The following SBF2 variants were observed in gnomAD, a reference collection of about 807,000 sequenced individuals.
The protein encoded by SBF2 is SET binding factor 2.
In SBF2, 112 loss-of-function variants were observed where a neutral mutation model predicts 225.2. That is an observed-to-expected ratio of 0.50 (90% CI 0.43 to 0.58). The LOEUF is 0.58. SBF2 is among the 20% of genes least tolerant of loss of function. The pLI is 0.00. For missense variants in SBF2, 1,996 were observed against 2,206.2 expected, an observed-to-expected ratio of 0.90 and a Z score of 1.91; for synonymous variants, 763 against 773.3, an observed-to-expected ratio of 0.99 and a Z score of 0.22.
chr11:9,806,120 T>A (rs761921633), intron 32 of SBF2, among the ~76,000 whole-genome samples: 14 of 152,216 alleles, frequency 9.2e-5, no homozygotes, highest in Non-Finnish European at 1.2e-4. Context: ...TCAGACTAAG[T>A]AGAGGGCAAT....
intron 2 of SBF2, among the ~76,000 whole-genome samples, chr11:10,169,247 T>C (rs896345887): frequency 6.6e-6 from 1 of 152,214 alleles, no homozygotes; most frequent in Non-Finnish European, 1.5e-5. Flanking sequence ...AGTCACCCTG[T>C]TGTGCTATAA....
chr11:10,166,821 G>C (rs1955973872), intron 2 of SBF2, among the ~76,000 whole-genome samples: 1 of 152,008 alleles, frequency 6.6e-6, no homozygotes. Context: ...AATAAGCCAG[G>C]TATAGTGGCG....
chr11:9,992,925 A>T, intron 11 of SBF2, 65 bp downstream of exon 11: 1 of 1,201,408 alleles, frequency 8.3e-7, no homozygotes, highest in Non-Finnish European at 1.2e-6. Context: ...CGGAAAAAAA[A>T]CCAAGTAGTT....
chr11:10,133,118 G>T (rs1954153646), intron 2 of SBF2, among the ~76,000 whole-genome samples: 3 of 149,200 alleles, frequency 2.0e-5, no homozygotes. Context: ...GATACAGAGT[G>T]TCGATTGGTG....
intron 32 of SBF2, among the ~76,000 whole-genome samples, chr11:9,799,946 A>T (rs942846029): frequency 2.0e-5 from 3 of 152,244 alleles, no homozygotes; most frequent in African/African-American, 7.2e-5. Context: ...CATTTCAAAA[A>T]TAAGCTGTTG....
intron 1 of SBF2, among the ~76,000 whole-genome samples, chr11:10,293,522 G>A (rs949509830): frequency 6.6e-6 from 1 of 152,184 alleles, no homozygotes; most frequent in Admixed American, 6.5e-5. Flanking sequence ...AGGTCACTAG[G>A]CCCCCAACAG....
At chr11:10,060,945 G>A (rs995462730) in intron 2 of SBF2, among the ~76,000 whole-genome samples, 4 of 152,038 alleles carry the variant, frequency 2.6e-5, no homozygotes, top group African/African-American at 7.2e-5. Context: ...GGAGAATAGT[G>A]TGAACCTGGA....
chr11:10,297,577 C>G (rs186757114), upstream of SBF2, among the ~76,000 whole-genome samples: 10 of 152,202 alleles, frequency 6.6e-5, 1 homozygote, highest in East Asian at 1.9e-3. Context: ...CTTGTTTTAC[C>G]TTTTAAATGT....
Position 9,965,250 on chromosome 11 carries a change from T to C in SBF2, c.1601-1368A>G, listed in dbSNP as rs140425812. Among the ~76,000 whole-genome samples, 61 of 152,218 alleles carry C rather than the reference T, an allele frequency of 4.0e-4. 1 individual carries two copies. The East Asian group carries it at 0.01, about 26-fold the overall frequency. ...TCATATTTTACTCATTAGCATTCCT[T>C]TCATCTCATCAATACAAAACCTATA... On this transcript the variant is annotated intron_variant, in intron 14 of 39. Transcript: ENST00000256190.
Position 9,829,571 on chromosome 11 carries a change from TCTAC to T in SBF2, c.3653-79_3653-76del, listed in dbSNP as rs1477497789. 5 of 1,229,964 alleles carry T rather than the reference TCTAC, an allele frequency of 4.1e-6. No homozygotes were observed. The African/African-American group carries it at 4.5e-5, about 11-fold the overall frequency. The allele number at this position is 1,229,964 out of a possible 1,614,324, so 76.2% of individuals were successfully genotyped here. A position where few individuals can be genotyped will look rare whatever the true frequency, so the allele number is the denominator to read the frequency against. On this transcript the variant is annotated intron_variant, in intron 27 of 39. Transcript: ENST00000256190. ...AAACAAGTATCTATCTATCTATCTATCTACCTATCTATCTATGCTTATTTTTCTC... is the reference window on the plus strand; with the variant it reads ...AAACAAGTATCTATCTATCTATCTATCTATCTATCTATGCTTATTTTTCTC...
At chr11:10,037,466 G>C (rs530333695) in intron 3 of SBF2, among the ~76,000 whole-genome samples, 1 of 152,118 alleles carries the variant, frequency 6.6e-6, no homozygotes, top group East Asian at 1.9e-4. Flanking sequence ...CGAATTTTTA[G>C]TTCAAAGAGT....
chr11:10,096,369 A>G lies in SBF2; in HGVS notation c.142-53388T>C, dbSNP rs560030041. ...TATAACAAAATAAAATATTTTCCCT[A>G]GAAATATGTATTTTTAACTACTCAA... On this transcript the variant is annotated intron_variant, in intron 2 of 39. Transcript: ENST00000256190. 5.9e-5 allele frequency among the ~76,000 whole-genome samples: 9 copies of G among 151,684 alleles called. No individual in the cohort carries two copies. The South Asian group carries it at 1.9e-3, about 32-fold the overall frequency.
intron 2 of SBF2, among the ~76,000 whole-genome samples, chr11:10,062,283 A>G (rs901630311): frequency 2.9e-4 from 44 of 152,260 alleles, no homozygotes; most frequent in African/African-American, 1.1e-3. Flanking sequence ...GGAATAGGCA[A>G]AGATTTCATG....
At chr11:9,935,060 T>A (rs577276019) in intron 16 of SBF2, among the ~76,000 whole-genome samples, 8 of 152,146 alleles carry the variant, frequency 5.3e-5, no homozygotes, top group Non-Finnish European at 1.0e-4. Context: ...GAAAACCCCA[T>A]CGTCTCAGCC....
intron 21 of SBF2, among the ~76,000 whole-genome samples, chr11:9,850,638 C>T (rs1253320631): frequency 6.6e-6 from 1 of 152,170 alleles, no homozygotes; most frequent in African/African-American, 2.4e-5. Flanking sequence ...AAACTTAAGC[C>T]AGACTTCCCA....
At chr11:10,128,674 C>T (rs906932520) in intron 2 of SBF2, among the ~76,000 whole-genome samples, 1 of 152,124 alleles carries the variant, frequency 6.6e-6, no homozygotes, top group Non-Finnish European at 1.5e-5. Context: ...CCTCAAGGTC[C>T]TAAAGAAAAT....
chr11:10,261,412 A>T (rs1017341915), intron 1 of SBF2, among the ~76,000 whole-genome samples: 3 of 152,088 alleles, frequency 2.0e-5, no homozygotes, highest in African/African-American at 7.2e-5. Context: ...CATGTTGCCC[A>T]AGCTGGTCTG....
At chr11:9,972,558 G>T (rs930070650) in intron 13 of SBF2, among the ~76,000 whole-genome samples, 2 of 152,312 alleles carry the variant, frequency 1.3e-5, no homozygotes, top group East Asian at 3.9e-4. Context: ...TCTGCTCGCT[G>T]CAACCTCTGC....
intron 2 of SBF2, among the ~76,000 whole-genome samples, chr11:10,062,469 T>A (rs940367905): frequency 1.3e-5 from 2 of 152,076 alleles, no homozygotes; most frequent in Non-Finnish European, 2.9e-5. Context: ...CCAGAATCTA[T>A]AAGGAACTTA....
Sources: allele counts gnomAD v4.1 joint callset (sites outside exome capture counted in the v4.1 genomes callset), GRCh38; gene constraint gnomAD v4.1.1; transcripts MANE v1.5; gene names NCBI Gene and HGNC (gene_info 2026-07-23, HGNC 2026-07-21).